OLA1: variants seen among roughly 807,000 people sequenced by gnomAD.
OLA1 encodes Obg like ATPase 1, also known as obg-like ATPase 1.
In OLA1, 14 loss-of-function variants were observed where a neutral mutation model predicts 48.4. That is an observed-to-expected ratio of 0.29 (90% CI 0.19 to 0.45). The LOEUF (loss-of-function observed/expected upper bound fraction) is 0.45, where lower values mean the gene tolerates loss of function less well. Among genes scored for constraint, OLA1 ranks in the 20% least tolerant of loss-of-function variants. The pLI, the probability that OLA1 is intolerant of heterozygous loss-of-function variation, is 1.00. For missense variants in OLA1, 325 were observed against 467.1 expected, an observed-to-expected ratio of 0.70 and a Z score of 2.80; for synonymous variants, 127 against 150.4, an observed-to-expected ratio of 0.84 and a Z score of 1.14.
At chr2:174,234,509 G>A (rs56094369) in intron 2 of OLA1, among the ~76,000 whole-genome samples, 25,302 of 151,978 alleles carry the variant, frequency 0.17, 2,570 homozygotes, top group Non-Finnish European at 0.24. Context: ...TATTGCCCAG[G>A]CTGGAGAGCA....
chr2:174,112,980 G>A (rs1685690229), intron 7 of OLA1, among the ~76,000 whole-genome samples: 1 of 152,036 alleles, frequency 6.6e-6, no homozygotes, highest in African/African-American at 2.4e-5. Context: ...CACTCTTGTT[G>A]CCCAGGCTGG....
intron 4 of OLA1, among the ~76,000 whole-genome samples, chr2:174,164,123 T>C (rs1165415490): frequency 6.6e-6 from 1 of 151,944 alleles, no homozygotes; most frequent in African/African-American, 2.4e-5. Context: ...TGTGAAGAGG[T>C]GCCTTCCACC....
intron 5 of OLA1, among the ~76,000 whole-genome samples, chr2:174,133,357 T>A (rs954862675): frequency 1.3e-5 from 2 of 152,130 alleles, no homozygotes; most frequent in Non-Finnish European, 2.9e-5. Context: ...TGTTTTGACA[T>A]ACAATATTTT....
intron 7 of OLA1, among the ~76,000 whole-genome samples, chr2:174,101,929 G>A (rs1348988552): frequency 6.6e-6 from 1 of 152,110 alleles, no homozygotes; most frequent in African/African-American, 2.4e-5. Context: ...AACAAAGACA[G>A]GAAAGTCCGA....
At chr2:174,238,494 C>CA (rs34395720) in intron 2 of OLA1, among the ~76,000 whole-genome samples, 101 of 106,618 alleles carry the variant, frequency 9.5e-4, no homozygotes, top group African/African-American at 1.4e-3. Flanking sequence ...ACTCTATGTC[C>CA]AAAAAAAAAA....
intron 4 of OLA1, among the ~76,000 whole-genome samples, chr2:174,164,319 A>C (rs1687106401): frequency 9.4e-6 from 1 of 106,320 alleles, no homozygotes; most frequent in Admixed American, 9.8e-5. Flanking sequence ...CATATGGACA[A>C]GGTTAGAAGG....
intron 4 of OLA1, among the ~76,000 whole-genome samples, chr2:174,174,113 G>C (rs1194901038): frequency 1.3e-5 from 2 of 150,624 alleles, no homozygotes; most frequent in African/African-American, 4.9e-5. Context: ...ATTTAGGGGA[G>C]AAATAACATG....
At chr2:174,147,008 T>C (rs1406175757) in intron 4 of OLA1, among the ~76,000 whole-genome samples, 1 of 152,130 alleles carries the variant, frequency 6.6e-6, no homozygotes, top group East Asian at 1.9e-4. Context: ...AAAAGTATAC[T>C]TGACCAACTG....
At chr2:174,152,678 T>A (rs1574512643) in intron 4 of OLA1, among the ~76,000 whole-genome samples, 1 of 152,236 alleles carries the variant, frequency 6.6e-6, no homozygotes, top group East Asian at 1.9e-4. Flanking sequence ...TATATAAAAA[T>A]GGAAATAATT....
chr2:174,150,400 A>C (rs1468308127), intron 4 of OLA1, among the ~76,000 whole-genome samples: 1 of 152,214 alleles, frequency 6.6e-6, no homozygotes, highest in East Asian at 1.9e-4. Context: ...AGGCTCCATG[A>C]TTGTAAGAAA....
At chr2:174,203,844 G>T (rs1272097089) in intron 4 of OLA1, among the ~76,000 whole-genome samples, 3 of 150,456 alleles carry the variant, frequency 2.0e-5, no homozygotes, top group African/African-American at 7.3e-5. Flanking sequence ...GCCCAGGCTG[G>T]AGTGCAACAG....
intron 4 of OLA1, among the ~76,000 whole-genome samples, chr2:174,195,904 A>G (rs1687868361): frequency 6.6e-6 from 1 of 152,192 alleles, no homozygotes; most frequent in South Asian, 2.1e-4. Flanking sequence ...GTCCCGAAAC[A>G]TGTTCAGTGA....
chr2:174,233,640 G>A (rs565106151), intron 2 of OLA1, among the ~76,000 whole-genome samples: 2 of 152,322 alleles, frequency 1.3e-5, no homozygotes, highest in South Asian at 4.1e-4. Context: ...CTCCCAAAGT[G>A]CTAGGATTAT....
At chr2:174,157,827 C>A (rs1051570829) in intron 4 of OLA1, among the ~76,000 whole-genome samples, 1 of 152,102 alleles carries the variant, frequency 6.6e-6, no homozygotes, top group Non-Finnish European at 1.5e-5. Context: ...AGATCACATT[C>A]TTGGGTCCAA....
At chr2:174,141,081 A>G (rs888501653) in intron 5 of OLA1, among the ~76,000 whole-genome samples, 1 of 152,058 alleles carries the variant, frequency 6.6e-6, no homozygotes, top group Non-Finnish European at 1.5e-5. Flanking sequence ...ACAAGCACCT[A>G]CCACCACACC....
At chr2:174,139,342 G>A (rs530867909) in intron 5 of OLA1, among the ~76,000 whole-genome samples, 47 of 152,310 alleles carry the variant, frequency 3.1e-4, no homozygotes, top group Admixed American at 2.6e-3. Flanking sequence ...TTCTCCCCCA[G>A]AGAGGCTTCA....
At chr2:174,142,161 AC>A (rs1686468536) in intron 4 of OLA1, among the ~76,000 whole-genome samples, 161 bp from the exon 5 acceptor site, 2 of 152,174 alleles carry the variant, frequency 1.3e-5, no homozygotes, top group Non-Finnish European at 2.9e-5. Flanking sequence ...ATTTAGTAAT[AC>A]TGAGGCTACT....
chr2:174,172,931 A>G (rs1687341998), intron 4 of OLA1, among the ~76,000 whole-genome samples: 1 of 151,230 alleles, frequency 6.6e-6, no homozygotes, highest in African/African-American at 2.4e-5. Context: ...AGAGAGTGGC[A>G]CTCTCTCTAG....
chr2:174,237,782 A>G (rs1688892976), intron 2 of OLA1, among the ~76,000 whole-genome samples: 2 of 152,180 alleles, frequency 1.3e-5, no homozygotes, highest in South Asian at 4.1e-4. Flanking sequence ...AATTAACTAT[A>G]GTAAATACAT....
Sources: gnomAD v4.1 joint callset for allele counts (sites outside exome capture counted in the v4.1 genomes callset) on GRCh38, gnomAD v4.1.1 for gene constraint, MANE v1.5 for transcripts, NCBI Gene and HGNC (gene_info 2026-07-23, HGNC 2026-07-21) for gene names.